Variants in NAALADL2 observed in about 807,000 individuals in gnomAD.
The protein encoded by NAALADL2 is N-acetylated alpha-linked acidic dipeptidase like 2, also known as inactive N-acetylated-alpha-linked acidic dipeptidase-like protein 2.
In NAALADL2, 76 loss-of-function variants were observed where a neutral mutation model predicts 87.2. That is an observed-to-expected ratio of 0.87 (90% CI 0.72 to 1.05). NAALADL2 has a LOEUF of 1.05. Ranked by LOEUF, NAALADL2 falls within the 50% of genes least tolerant of loss-of-function variation. NAALADL2 has a pLI of 0.00. For synonymous variants in NAALADL2, 354 were observed against 331.0 expected (o/e 1.07, Z -0.75); for missense variants, 1,089 against 945.8 (o/e 1.15, Z -1.99).
chr3:175,088,399 A>C (rs1025063782), intron 1 of NAALADL2, among the ~76,000 whole-genome samples: 2 of 152,200 alleles, frequency 1.3e-5, no homozygotes, highest in African/African-American at 4.8e-5. Flanking sequence ...ACTTAACCAC[A>C]GTATCATGAT....
intron 1 of NAALADL2, 56 bp downstream of exon 1, chr3:174,859,506 T>C (rs1726209075): frequency 7.0e-7 from 1 of 1,421,972 alleles, no homozygotes; most frequent in Admixed American, 1.8e-5. Context: ...ACTTAAGCAG[T>C]GTTGATTACA....
At chr3:174,845,879 G>A (rs1039599571) in intron 3 of NAALADL2, among the ~76,000 whole-genome samples, 8 of 152,194 alleles carry the variant, frequency 5.3e-5, no homozygotes, top group Admixed American at 3.3e-4. Flanking sequence ...AGCGTCTTAG[G>A]AATGGACGAG....
At chr3:175,520,281 AATTT>A (rs1732442936) in intron 9 of NAALADL2, among the ~76,000 whole-genome samples, 1 of 127,028 alleles carries the variant, frequency 7.9e-6, no homozygotes, top group African/African-American at 2.9e-5. Context: ...TAAAGAATGC[AATTT>A]TTTTTTTTTT....
intron 1 of NAALADL2, among the ~76,000 whole-genome samples, chr3:175,081,691 T>C (rs2109245249): frequency 6.6e-6 from 1 of 152,306 alleles, no homozygotes; most frequent in South Asian, 2.1e-4. Context: ...ACAGCATTGG[T>C]TCTTGTTGAA....
intron 1 of NAALADL2, among the ~76,000 whole-genome samples, chr3:175,063,837 G>A (rs7623483): frequency 0.01 from 1,533 of 152,076 alleles, 24 homozygotes; most frequent in African/African-American, 0.035. Flanking sequence ...TTAAAATAAC[G>A]CTTAAAAATT....
intron 9 of NAALADL2, among the ~76,000 whole-genome samples, chr3:175,571,014 CT>C (rs1187013944): frequency 1.3e-5 from 2 of 151,708 alleles, no homozygotes; most frequent in African/African-American, 2.4e-5. Flanking sequence ...AGAGTAAATG[CT>C]TATGTATGCA....
chr3:174,949,877 A>T (rs1436780698), intron 1 of NAALADL2, among the ~76,000 whole-genome samples: 1 of 152,202 alleles, frequency 6.6e-6, no homozygotes, highest in African/African-American at 2.4e-5. Context: ...TATTGAGATA[A>T]CTATCCATTC....
intron 1 of NAALADL2, among the ~76,000 whole-genome samples, chr3:175,019,777 G>A (rs866080510): frequency 8.6e-5 from 13 of 151,948 alleles, no homozygotes; most frequent in African/African-American, 1.9e-4. Context: ...ATATTATGCC[G>A]TATCAAATGT....
chr3:174,707,238 G>A (rs969158398), intron 2 of NAALADL2, among the ~76,000 whole-genome samples: 17 of 150,814 alleles, frequency 1.1e-4, no homozygotes, highest in Admixed American at 2.7e-4. Flanking sequence ...ACAGTGTGGC[G>A]ATTCCTCGGG....
chr3:175,251,695 A>G (rs1001665048), intron 3 of NAALADL2, among the ~76,000 whole-genome samples: 1 of 152,244 alleles, frequency 6.6e-6, no homozygotes, highest in African/African-American at 2.4e-5. Flanking sequence ...ATATCATTGT[A>G]TATTGATTTG....
upstream of NAALADL2, among the ~76,000 whole-genome samples, chr3:174,855,937 TATACACATA>T (rs1431310542): frequency 2.7e-5 from 4 of 148,362 alleles, no homozygotes; most frequent in African/African-American, 1.0e-4. Flanking sequence ...TATGAATATA[TATACACATA>T]GATATGAATA....
chr3:175,509,175 T>C (rs1582184284), intron 9 of NAALADL2, among the ~76,000 whole-genome samples: 1 of 152,076 alleles, frequency 6.6e-6, no homozygotes, highest in East Asian at 1.9e-4. Flanking sequence ...TATGTCTTTA[T>C]GTCTTGCATG....
chr3:175,529,925 A>C (rs1419354915), intron 9 of NAALADL2, among the ~76,000 whole-genome samples: 3 of 152,144 alleles, frequency 2.0e-5, no homozygotes, highest in Admixed American at 6.5e-5. Flanking sequence ...GGTCCAATAT[A>C]ATCAACCTGG....
chr3:175,133,375 G>T (rs1201926042), intron 2 of NAALADL2, among the ~76,000 whole-genome samples: 14 of 152,196 alleles, frequency 9.2e-5, no homozygotes, highest in African/African-American at 3.1e-4. Context: ...GCAGGCGGCT[G>T]GGAGGTGGAG....
At chr3:174,951,207 TGTTAA>T (rs1275536685) in intron 1 of NAALADL2, among the ~76,000 whole-genome samples, 1 of 152,008 alleles carries the variant, frequency 6.6e-6, no homozygotes, top group Non-Finnish European at 1.5e-5. Flanking sequence ...TCATGAGTCA[TGTTAA>T]GTTGGGATGT....
intron 2 of NAALADL2, among the ~76,000 whole-genome samples, chr3:174,730,484 A>T (rs1353122309): frequency 6.6e-6 from 1 of 152,144 alleles, no homozygotes; most frequent in Non-Finnish European, 1.5e-5. Context: ...GATATATGTC[A>T]AAATAAAAGA....
chr3:175,144,547 C>A (rs533250749), intron 2 of NAALADL2, among the ~76,000 whole-genome samples: 1 of 151,822 alleles, frequency 6.6e-6, no homozygotes, highest in East Asian at 1.9e-4. Flanking sequence ...CTTATGATTG[C>A]GCAATCCAGA....
chr3:174,693,821 C>T (rs952130280), intron 2 of NAALADL2, among the ~76,000 whole-genome samples: 1 of 152,122 alleles, frequency 6.6e-6, no homozygotes, highest in East Asian at 1.9e-4. Context: ...ATGTCATTTG[C>T]GTGCCACTCT....
intron 1 of NAALADL2, among the ~76,000 whole-genome samples, chr3:174,999,551 A>G (rs1747954972): frequency 6.6e-6 from 1 of 152,160 alleles, no homozygotes; most frequent in Non-Finnish European, 1.5e-5. Context: ...AATTAGTGCC[A>G]CTGTCCACAT....
Sources: gnomAD v4.1 joint callset for allele counts (sites outside exome capture counted in the v4.1 genomes callset) on GRCh38, gnomAD v4.1.1 for gene constraint, MANE v1.5 for transcripts, NCBI Gene and HGNC (gene_info 2026-07-23, HGNC 2026-07-21) for gene names.